Variants in RSPRY1 observed in about 807,000 individuals in gnomAD.
RSPRY1 encodes RING finger and SPRY domain-containing protein 1.
Under a neutral mutation model 73.1 loss-of-function variants are expected in RSPRY1, and 23 were observed. The ratio of observed to expected loss-of-function variants is 0.31; its 90% CI spans 0.23 to 0.45. The LOEUF (loss-of-function observed/expected upper bound fraction) is 0.45. Ranked by LOEUF, RSPRY1 falls within the 20% of genes least tolerant of loss-of-function variation. RSPRY1 has a pLI of 1.00. For missense variants in RSPRY1, 448 were observed against 698.7 expected (o/e 0.64, Z 4.05); for synonymous variants, 226 against 251.4 (o/e 0.90, Z 0.95).
intron 1 of RSPRY1, among the ~76,000 whole-genome samples, chr16:57,195,003 A>T (rs2074414057): frequency 6.6e-6 from 1 of 152,208 alleles, no homozygotes; most frequent in African/African-American, 2.4e-5. Context: ...TTAAAAAAAT[A>T]TAAAGCGTTA....
Position 57,216,235 on chromosome 16 carries a change from T to C in RSPRY1, c.769+62T>C, listed in dbSNP as rs1341725123. The stretch of plus-strand genomic sequence containing the variant: ...TATTGGTTGTTAAAAATTTTATTTT[T>C]CTTAGTTACTGGATAAGCCTACACT... On this transcript the variant is annotated intron_variant, in intron 7 of 14. Coordinates refer to ENST00000394420, the MANE Select transcript of RSPRY1 (RefSeq NM_133368.3). The C allele has an allele frequency of 5.7e-6, 7 of 1,227,836 alleles. No homozygotes were observed. The Admixed American group carries it at 1.2e-4, about 21-fold the overall frequency. 76.1% of individuals were successfully genotyped at this position (1,227,836 alleles called of 1,614,324 possible).
intron 12 of RSPRY1, 63 bp from the exon 13 acceptor site, chr16:57,231,104 A>G (rs1429207770): frequency 6.7e-7 from 1 of 1,490,848 alleles, no homozygotes; most frequent in African/African-American, 1.4e-5. Context: ...AAACTGTTCT[A>G]TCTATTAACT....
chr16:57,188,543 T>G (rs1237849929), intron 1 of RSPRY1, among the ~76,000 whole-genome samples: 1 of 152,156 alleles, frequency 6.6e-6, no homozygotes, highest in East Asian at 1.9e-4. Context: ...TGAGACGGAG[T>G]TTCGTTCTTG....
At position 57,191,044 on chromosome 16, in the gene RSPRY1, G is replaced by T. The variant is rs965189150; in HGVS notation, c.-156+4593G>T. ...TCTGCACATAGCTTTCTTGTTGCTT[G>T]AAATTATAGTTTCCAGGCGTAATTT... is the stretch of plus-strand genomic sequence containing the variant. On this transcript the variant is annotated intron_variant, in intron 1 of 14. Transcript: ENST00000394420. 4.9e-4 allele frequency among the ~76,000 whole-genome samples: 74 copies of T among 152,294 alleles called. 1 individual carries two copies. In the Middle Eastern group the frequency reaches 0.01, roughly 21 times the overall value.
intron 8 of RSPRY1, chr16:57,219,559 T>C (rs1370948224): frequency 7.9e-5 from 12 of 152,256 alleles, no homozygotes; most frequent in Admixed American, 7.2e-4. Flanking sequence ...TTCTGGTTAT[T>C]AATCCTTTGT....
chr16:57,237,959 TG>T (rs1410926375), intron 14 of RSPRY1, among the ~76,000 whole-genome samples: 2 of 152,286 alleles, frequency 1.3e-5, no homozygotes, highest in African/African-American at 4.8e-5. Flanking sequence ...TTTCAAGAGA[TG>T]TTGGGAATAA....
At chr16:57,188,581 A>G (rs370281497) in intron 1 of RSPRY1, among the ~76,000 whole-genome samples, 4 of 152,256 alleles carry the variant, frequency 2.6e-5, no homozygotes, top group South Asian at 2.1e-4. Flanking sequence ...CAGTGGCGCT[A>G]TCTCGGCTCA....
intron 10 of RSPRY1, among the ~76,000 whole-genome samples, chr16:57,225,126 T>C (rs2075100842): frequency 6.6e-6 from 1 of 152,248 alleles, no homozygotes; most frequent in African/African-American, 2.4e-5. Flanking sequence ...TGGCACGTGA[T>C]CTCTGCTCAC....
At chr16:57,200,634 C>T (rs2074557666) in intron 1 of RSPRY1, among the ~76,000 whole-genome samples, 1 of 142,238 alleles carries the variant, frequency 7.0e-6, no homozygotes, top group Non-Finnish European at 1.6e-5. Context: ...CCTCACCTCC[C>T]GGACGGGGCG....
intron 3 of RSPRY1, 129 bp from the exon 4 acceptor site, chr16:57,208,946 G>T: frequency 1.6e-6 from 1 of 610,330 alleles, no homozygotes; most frequent in African/African-American, 1.9e-5. Context: ...TTATGTCCAT[G>T]CCAAATATTA....
chr16:57,212,050 G>A (rs1274956987), intron 4 of RSPRY1, among the ~76,000 whole-genome samples: 1 of 152,196 alleles, frequency 6.6e-6, no homozygotes, highest in Non-Finnish European at 1.5e-5. Flanking sequence ...AGTGGTTCAT[G>A]CCTATAATCC....
rs1427180197 is a variant in RSPRY1, at chr16:57,218,809, C to T, written c.901+1774C>T. On this transcript the variant is annotated intron_variant, in intron 8 of 14. Transcript: ENST00000394420. ...GGAGTGCAGTGGCGGGATCTCGGCT[C>T]ACTGCAAGCTCTGCCTCCCGGGTTC... 4.9e-5 allele frequency among the ~76,000 whole-genome samples: 5 copies of T among 102,368 alleles called. 1 individual carries two copies. Among genetic ancestry groups the T allele is most frequent in the African/African-American group, 2.0e-4 (5 of 24,500 alleles). 67.2% of individuals were successfully genotyped at this position (102,368 alleles called of 152,430 possible).
At chr16:57,190,694 T>C (rs1225319561) in intron 1 of RSPRY1, among the ~76,000 whole-genome samples, 2 of 152,246 alleles carry the variant, frequency 1.3e-5, no homozygotes, top group African/African-American at 2.4e-5. Context: ...TTACAACTTT[T>C]AGAAGTGCAA....
intron 1 of RSPRY1, among the ~76,000 whole-genome samples, chr16:57,191,776 T>C (rs986482868): frequency 2.6e-5 from 4 of 152,222 alleles, no homozygotes; most frequent in Admixed American, 1.3e-4. Flanking sequence ...CTTTTGCTAT[T>C]GCTGATTTGT....
At chr16:57,213,648 T>C in intron 5 of RSPRY1, among the ~76,000 whole-genome samples, 1 of 152,240 alleles carries the variant, frequency 6.6e-6, no homozygotes, top group East Asian at 1.9e-4. Flanking sequence ...AATCAGAACA[T>C]GTGGCTACTG....
rs536274230 is a variant in RSPRY1, at chr16:57,192,809, G to A, written c.-156+6358G>A. 3.3e-4 allele frequency among the ~76,000 whole-genome samples: 50 copies of A among 150,758 alleles called. 1 individual carries two copies. Among genetic ancestry groups the A allele is most frequent in the Non-Finnish European group, 5.6e-4 (38 of 67,774 alleles). On this transcript the variant is annotated intron_variant, in intron 1 of 14. Coordinates refer to ENST00000394420, the MANE Select transcript of RSPRY1 (RefSeq NM_133368.3). ...CAGCCTCGACCTCCCCAGCTCAGGCGATCCTCCCACCCCTCACTCCCACTG... is the reference window on the plus strand; with the variant it reads ...CAGCCTCGACCTCCCCAGCTCAGGCAATCCTCCCACCCCTCACTCCCACTG...
chr16:57,190,088 C>T (rs1047532488), intron 1 of RSPRY1, among the ~76,000 whole-genome samples: 1 of 152,098 alleles, frequency 6.6e-6, no homozygotes, highest in Non-Finnish European at 1.5e-5. Context: ...GAAGTTATGG[C>T]TGGGCATGGT....
intron 1 of RSPRY1, among the ~76,000 whole-genome samples, chr16:57,191,456 C>T (rs1336122847): frequency 1.3e-5 from 2 of 152,140 alleles, no homozygotes; most frequent in African/African-American, 4.8e-5. Context: ...CCCAGGAAGT[C>T]TGTCCTGGGA....
At chr16:57,192,316 C>G (rs1413393108) in intron 1 of RSPRY1, among the ~76,000 whole-genome samples, 1 of 152,094 alleles carries the variant, frequency 6.6e-6, no homozygotes, top group African/African-American at 2.4e-5. Context: ...ACATGATCTC[C>G]TATTATTTGG....
Sources: gnomAD v4.1 joint callset for allele counts (sites outside exome capture counted in the v4.1 genomes callset) on GRCh38, gnomAD v4.1.1 for gene constraint, MANE v1.5 for transcripts, NCBI Gene and HGNC (gene_info 2026-07-23, HGNC 2026-07-21) for gene names.